The following RFC3 variants were observed in gnomAD, a reference collection of about 807,000 sequenced individuals.
The protein encoded by RFC3 is replication factor C subunit 3, also known as A1 38 kDa subunit.
RFC3 carries 41 observed loss-of-function variants against 45.1 expected under a neutral mutation model. The ratio of observed to expected loss-of-function variants is 0.91; its 90% confidence interval spans 0.71 to 1.18. The LOEUF (loss-of-function observed/expected upper bound fraction) is 1.18, where lower values mean the gene tolerates loss of function less well. Ranked by LOEUF, RFC3 falls within the 50% of genes most tolerant of loss-of-function variation. The pLI, the probability that RFC3 is intolerant of heterozygous loss-of-function variation, is 0.00. For missense variants in RFC3, 423 were observed against 428.1 expected, an observed-to-expected ratio of 0.99 and a Z score of 0.10; for synonymous variants, 149 against 144.0, an observed-to-expected ratio of 1.03 and a Z score of -0.25.
At chr13:33,831,865 C>G (rs1201384410) in intron 7 of RFC3, among the ~76,000 whole-genome samples, 2 of 152,070 alleles carry the variant, frequency 1.3e-5, no homozygotes, top group African/African-American at 2.4e-5. Context: ...TATTGCCTCA[C>G]CAAGGGTACT....
chr13:33,864,073 G>A (rs1280505067), intron 8 of RFC3, among the ~76,000 whole-genome samples: 1 of 152,162 alleles, frequency 6.6e-6, no homozygotes, highest in African/African-American at 2.4e-5. Flanking sequence ...TCCACTCATG[G>A]TGGAAGGCGA....
intron 8 of RFC3, among the ~76,000 whole-genome samples, chr13:33,963,232 T>G (rs1230866206): frequency 6.6e-6 from 1 of 152,128 alleles, no homozygotes; most frequent in Non-Finnish European, 1.5e-5. Flanking sequence ...TATTTTGTTT[T>G]CGTTTTTATT....
intron 8 of RFC3, among the ~76,000 whole-genome samples, chr13:33,945,320 C>G (rs2082948184): frequency 6.6e-6 from 1 of 152,192 alleles, no homozygotes; most frequent in South Asian, 2.1e-4. Context: ...GCACTTCATA[C>G]ATGTTAACTC....
chr13:33,903,875 A>G (rs1413855941), intron 8 of RFC3, among the ~76,000 whole-genome samples: 1 of 151,986 alleles, frequency 6.6e-6, no homozygotes, highest in Non-Finnish European at 1.5e-5. Flanking sequence ...TCAGTATCTC[A>G]TTTTGTCTTC....
intron 8 of RFC3, among the ~76,000 whole-genome samples, chr13:33,912,661 A>G (rs1287067486): frequency 6.6e-6 from 1 of 152,100 alleles, no homozygotes; most frequent in Non-Finnish European, 1.5e-5. Context: ...ATGAAGGGCC[A>G]TGTGAACCTG....
chr13:33,846,951 A>T (rs923582732), intron 8 of RFC3: 2 of 152,168 alleles, frequency 1.3e-5, no homozygotes, highest in Non-Finnish European at 2.9e-5. Context: ...CCAGGCACTG[A>T]AGTGCAGTGG....
chr13:33,907,365 A>G (rs2082678010), intron 8 of RFC3, among the ~76,000 whole-genome samples: 2 of 152,134 alleles, frequency 1.3e-5, no homozygotes, highest in Admixed American at 6.6e-5. Context: ...CTTAAAAATA[A>G]TAAATCCTAG....
At chr13:33,916,572 G>T (rs1448599823) in intron 8 of RFC3, among the ~76,000 whole-genome samples, 1 of 152,108 alleles carries the variant, frequency 6.6e-6, no homozygotes, top group Non-Finnish European at 1.5e-5. Context: ...TAATACTTAT[G>T]GATGTTTGGC....
chr13:33,905,745 A>G (rs2082668491), intron 8 of RFC3, among the ~76,000 whole-genome samples: 1 of 152,068 alleles, frequency 6.6e-6, no homozygotes, highest in South Asian at 2.1e-4. Flanking sequence ...TTGAACTCAA[A>G]TGATTCACTA....
chr13:33,931,569 A>C lies in RFC3; in HGVS notation c.880-34518A>C, dbSNP rs149170817. Among the ~76,000 whole-genome samples the C allele has an allele frequency of 2.6e-5, 4 of 152,238 alleles. No homozygotes were observed. The East Asian group carries it at 5.8e-4, about 22-fold the overall frequency. On this transcript the variant is annotated intron_variant, in intron 8 of 8. Transcript: ENST00000434425. The stretch of plus-strand genomic sequence containing the variant: ...AACAGGAGACCAAAATTACTGTCAC[A>C]GTGTGGGGGTCCAACAAAGATATAA...
At chr13:33,925,876 T>G (rs945744728) in intron 8 of RFC3, among the ~76,000 whole-genome samples, 1 of 151,938 alleles carries the variant, frequency 6.6e-6, no homozygotes, top group African/African-American at 2.4e-5. Context: ...CATTGTTGTA[T>G]CAATATCAAA....
intron 8 of RFC3, among the ~76,000 whole-genome samples, chr13:33,949,856 TTACCTGACAGC>T (rs1430937251): frequency 8.5e-5 from 13 of 152,284 alleles, no homozygotes; most frequent in South Asian, 4.1e-4. Flanking sequence ...AGAATTTCTC[TTACCTGACAGC>T]CTTCAAATTG....
At chr13:33,898,108 G>A (rs2082613468) in intron 8 of RFC3, among the ~76,000 whole-genome samples, 1 of 151,888 alleles carries the variant, frequency 6.6e-6, no homozygotes, top group Non-Finnish European at 1.5e-5. Flanking sequence ...CAGACAAAAC[G>A]TTTTTAAAAA....
chr13:33,823,822 A>C, intron 2 of RFC3, 95 bp from the exon 3 acceptor site: 1 of 603,586 alleles, frequency 1.7e-6, no homozygotes, highest in East Asian at 3.1e-5. Flanking sequence ...CTCAAGTTTT[A>C]CTTTGTGTAA....
At chr13:33,862,115 T>G (rs77033280) in intron 8 of RFC3, among the ~76,000 whole-genome samples, 1,768 of 152,342 alleles carry the variant, frequency 0.012, 38 homozygotes, top group African/African-American at 0.041. Context: ...GTGTTTGTCC[T>G]TTCAATTAAT....
intron 2 of RFC3, among the ~76,000 whole-genome samples, chr13:33,822,686 C>T (rs920179573): frequency 6.6e-6 from 1 of 152,062 alleles, no homozygotes. Context: ...AGTTGAGTCC[C>T]TATGACATAC....
At chr13:33,888,655 C>T (rs918201265) in intron 8 of RFC3, among the ~76,000 whole-genome samples, 3 of 151,792 alleles carry the variant, frequency 2.0e-5, no homozygotes, top group Non-Finnish European at 4.4e-5. Context: ...TAGCAGATTC[C>T]TGGAAAATAC....
intron 8 of RFC3, among the ~76,000 whole-genome samples, chr13:33,859,857 A>G (rs79221514): frequency 0.03 from 4,525 of 152,236 alleles, 134 homozygotes; most frequent in African/African-American, 0.069. Context: ...TTTTGTCCCC[A>G]TCACCCCCAA....
intron 5 of RFC3, 73 bp downstream of exon 5, chr13:33,830,090 G>A: frequency 1.5e-6 from 2 of 1,342,946 alleles, no homozygotes; most frequent in South Asian, 2.5e-5. Flanking sequence ...TGTTGTAAAA[G>A]AAGGGAATCG....
Sources: allele counts gnomAD v4.1 joint callset (sites outside exome capture counted in the v4.1 genomes callset), GRCh38; gene constraint gnomAD v4.1.1; transcripts MANE v1.5; gene names NCBI Gene and HGNC (gene_info 2026-07-23, HGNC 2026-07-21).